The following OR9K2 variants were observed in gnomAD, a reference collection of about 807,000 sequenced individuals.
OR9K2 encodes olfactory receptor family 9 subfamily K member 2.
A neutral mutation model predicts 12.4 loss-of-function variants in OR9K2; 16 were observed. The observed-to-expected ratio is 1.29, with a 90% CI of 0.87 to 1.95. The LOEUF (loss-of-function observed/expected upper bound fraction) is 1.95, where lower values mean the gene tolerates loss of function less well. OR9K2 is among the 30% of genes most tolerant of loss of function. The pLI, the probability that OR9K2 is intolerant of heterozygous loss-of-function variation, is 0.00. For missense variants in OR9K2, 434 were observed against 376.5 expected (o/e 1.15, Z -1.26); for synonymous variants, 133 against 133.2 (o/e 1.00, Z 0.01).
Position 55,129,972 on chromosome 12 carries a change from T to G in OR9K2, c.138T>G (p.Val46=). 1 of 1,614,042 alleles carries G rather than the reference T, an allele frequency of 6.2e-7. No individual in the cohort carries two copies. Among genetic ancestry groups the G allele is most frequent in the Non-Finnish European group, 8.5e-7 (1 of 1,179,964 alleles). ...ATGCCATGATCCTTCTAGGGAATGT[T>G]GGGATGATGACCATTATTATGACTG... ...FVYAMILLGN[V]GMMTIIMTDP... The change falls in exon 3 of 3, where the codon GTT becomes GTG. Residue 46 remains valine, a synonymous_variant. Coordinates refer to ENST00000641329, the MANE Select transcript of OR9K2 (RefSeq NM_001005243.2).
intron 2 of OR9K2, among the ~76,000 whole-genome samples, chr12:55,128,951 C>A (rs924541154): frequency 6.6e-6 from 1 of 152,102 alleles, no homozygotes; most frequent in South Asian, 2.1e-4. Context: ...CACACTGGAG[C>A]CTTTTGCAGG....
intron 2 of OR9K2, among the ~76,000 whole-genome samples, chr12:55,129,377 C>A (rs1483136701): frequency 2.0e-5 from 3 of 151,754 alleles, no homozygotes; most frequent in Non-Finnish European, 4.4e-5. Flanking sequence ...CAAATTAAGT[C>A]TCTGTTTTCC....
intron 2 of OR9K2, among the ~76,000 whole-genome samples, chr12:55,128,371 C>T (rs1019244345): frequency 6.6e-6 from 1 of 151,224 alleles, no homozygotes; most frequent in Non-Finnish European, 1.5e-5. Flanking sequence ...GGTAGGGGAA[C>T]AGGAAGGGTC....
Position 55,130,419 on chromosome 12 carries a change from C to T in OR9K2, c.585C>T (p.Leu195=). 4 of 1,613,792 alleles carry T rather than the reference C, an allele frequency of 2.5e-6. No homozygotes were observed. The highest frequency in any genetic ancestry group is 2.5e-6 in the Non-Finnish European group (3 of 1,179,850). ...TTCAGAGACTGTCTTGTTCTGATCTCTTTATCCATAGAATGATATCTTTTT... is the reference window on the plus strand; with the variant it reads ...TTCAGAGACTGTCTTGTTCTGATCTTTTTATCCATAGAATGATATCTTTTT... ...RPLQRLSCSD[L]FIHRMISFSL... The change falls in exon 3 of 3, where the codon CTC becomes CTT. Residue 195 remains leucine (L), a synonymous_variant. Coordinates refer to ENST00000641329, the MANE Select transcript of OR9K2 (RefSeq NM_001005243.2).
intron 1 of OR9K2, 135 bp from the exon 2 acceptor site, chr12:55,126,693 A>G (rs1327514610): frequency 6.6e-6 from 1 of 151,914 alleles, no homozygotes; most frequent in African/African-American, 2.4e-5. Context: ...AGCCACATTT[A>G]TCTATGGGAA....
intron 2 of OR9K2, among the ~76,000 whole-genome samples, chr12:55,128,368 G>A (rs1953442889): frequency 6.6e-6 from 1 of 151,294 alleles, no homozygotes; most frequent in African/African-American, 2.4e-5. Flanking sequence ...TAAGGTAGGG[G>A]AACAGGAAGG....
chr12:55,127,188 A>G (rs541553192), intron 2 of OR9K2, among the ~76,000 whole-genome samples: 6 of 152,038 alleles, frequency 3.9e-5, no homozygotes, highest in African/African-American at 1.4e-4. Context: ...CACTAGATTC[A>G]GAACATTATG....
intron 2 of OR9K2, chr12:55,129,589 T>C: frequency 1.7e-6 from 1 of 583,384 alleles, no homozygotes; most frequent in Non-Finnish European, 3.0e-6. Flanking sequence ...GGCATTGTAT[T>C]AGATGCAGAG....
rs1376023942 is a variant in OR9K2 at position 55,130,184 on chromosome 12, T to C, written c.350T>C (p.Leu117Pro). The change falls in exon 3 of 3, where the codon CTC (leucine) becomes CCC (proline). Residue 117 changes from leucine (L) to proline (P), a missense_variant. Leu to Pro is a moderately conservative substitution (Grantham distance 98). Transcript: ENST00000641329. Reference sequence around the variant, plus strand: ...CTCCTCATTGTGACTGAGGGATTTCTCCTGGCGGCCATGGCTTATGACCGC... The same window carrying C: ...CTCCTCATTGTGACTGAGGGATTTCCCCTGGCGGCCATGGCTTATGACCGC... ...FALLIVTEGF[L>P]LAAMAYDRFI... is the part of the protein sequence containing the mutation. 2.5e-6 allele frequency: 4 copies of C among 1,614,112 alleles called. No homozygotes were observed. The highest frequency in any genetic ancestry group is 1.7e-6 in the Non-Finnish European group (2 of 1,180,008).
chr12:55,128,678 C>G (rs1356838469), intron 2 of OR9K2, among the ~76,000 whole-genome samples: 1 of 152,098 alleles, frequency 6.6e-6, no homozygotes, highest in African/African-American at 2.4e-5. Flanking sequence ...TAGACAGAAT[C>G]ATGCACATAA....
rs768738217 is a variant in OR9K2, at chr12:55,130,415, A to G, written c.581A>G (p.Asp194Gly). 6.2e-7 allele frequency: 1 copy of G among 1,613,720 alleles called. No homozygotes were observed. The highest frequency in any genetic ancestry group is 1.3e-5 in the African/African-American group (1 of 74,958). ...SRPLQRLSCS[D>G]LFIHRMISFS... ...CCACTTCAGAGACTGTCTTGTTCTG[A>G]TCTCTTTATCCATAGAATGATATCT... Residue 194 changes from aspartate (D) to glycine (G), a missense_variant, in exon 3 of 3, where the codon GAT becomes GGT. Coordinates refer to ENST00000641329, the MANE Select transcript of OR9K2 (RefSeq NM_001005243.2).
chr12:55,130,814 T>C lies in OR9K2; in HGVS notation c.*38T>C. 5.3e-6 allele frequency: 6 copies of C among 1,139,320 alleles called. No individual in the cohort carries two copies. Among genetic ancestry groups the C allele is most frequent in the Non-Finnish European group, 7.6e-6 (6 of 791,530 alleles). The allele number at this position is 1,139,320 out of a possible 1,614,324, so 70.6% of individuals were successfully genotyped here. A position where few individuals can be genotyped will look rare whatever the true frequency, so the allele number is the denominator to read the frequency against. Reference sequence around the variant, plus strand: ...TTTCACCAATTTTATTGTGGCTATTTATTTAATACACCTGTGTTCATTAAT... The same window carrying C: ...TTTCACCAATTTTATTGTGGCTATTCATTTAATACACCTGTGTTCATTAAT... On this transcript the variant is annotated 3_prime_UTR_variant, in exon 3 of 3. Transcript: ENST00000641329.
chr12:55,130,872 T>C lies in OR9K2; in HGVS notation c.*96T>C. The C allele has an allele frequency of 1.4e-6, 1 of 718,136 alleles. No homozygotes were observed. The highest frequency in any genetic ancestry group is 2.2e-6 in the Non-Finnish European group (1 of 445,842). The allele number at this position is 718,136 out of a possible 1,614,324, so 44.5% of individuals were successfully genotyped here. ...ACTCTCCCGAATGTCATAAAAATAC[T>C]CTTAGATGTTTTCATGTGATGTGCT... On this transcript the variant is annotated 3_prime_UTR_variant, in exon 3 of 3. Coordinates refer to ENST00000641329, the MANE Select transcript of OR9K2 (RefSeq NM_001005243.2).
rs1384517760 is a variant in OR9K2, at chr12:55,131,378, T to G, written c.*602T>G. 1 of 152,200 alleles carries G rather than the reference T, an allele frequency of 6.6e-6. No homozygotes were observed. The highest frequency in any genetic ancestry group is 1.5e-5 in the Non-Finnish European group (1 of 68,032). 9.4% of individuals were successfully genotyped at this position (152,200 alleles called of 1,614,324 possible). On this transcript the variant is annotated 3_prime_UTR_variant, in exon 3 of 3. Coordinates refer to ENST00000641329, the MANE Select transcript of OR9K2 (RefSeq NM_001005243.2). The stretch of plus-strand genomic sequence containing the variant: ...AGTGCTCTAAGGTACTGCTAGTTGC[T>G]GAATCCCAGTGCAAAGAACTAAAAT...
In OR9K2 at chr12:55,130,048, A is replaced by T; in HGVS notation, c.214A>T (p.Ile72Phe). ...TTTTTTCCTAGGCAATCTCTCCTTC[A>T]TTGATCTTTTCTATTCATCTGTTAT... The part of the protein sequence containing the change: ...MYFFLGNLSF[I>F]DLFYSSVIEP... Residue 72 changes from isoleucine (I) to phenylalanine (F), a missense_variant, in exon 3 of 3, where the codon ATT becomes TTT. Coordinates refer to ENST00000641329, the MANE Select transcript of OR9K2 (RefSeq NM_001005243.2). The T allele has an allele frequency of 6.2e-7, 1 of 1,612,682 alleles. No homozygotes were observed. The highest frequency in any genetic ancestry group is 2.2e-5 in the East Asian group (1 of 44,874).
chr12:55,130,654 G>C lies in OR9K2; in HGVS notation c.820G>C (p.Val274Leu). The change falls in exon 3 of 3, where the codon GTG becomes CTG. Residue 274 changes from valine to leucine, a missense_variant. Val to Leu is a conservative substitution (Grantham distance 32). Coordinates refer to ENST00000641329, the MANE Select transcript of OR9K2 (RefSeq NM_001005243.2). Reference sequence around the variant, plus strand: ...TGACAGATTTCCTGAGCTGAGTAAAGTGGCATCCTTATGTTACTCCCTAGT... The same window carrying C: ...TGACAGATTTCCTGAGCTGAGTAAACTGGCATCCTTATGTTACTCCCTAGT... ...TPDRFPELSK[V>L]ASLCYSLVTP... The C allele has an allele frequency of 6.2e-7, 1 of 1,613,664 alleles. No individual in the cohort carries two copies. The highest frequency in any genetic ancestry group is 8.5e-7 in the Non-Finnish European group (1 of 1,179,718).
rs180909115 is a variant in OR9K2 at position 55,131,902 on chromosome 12, G to A, written c.*1126G>A. ...GGCTCAATGGTATGTCGATATTAAT[G>A]AACAAAGGCAGATTTTTTAAACTGC... On this transcript the variant is annotated 3_prime_UTR_variant, in exon 3 of 3. Transcript: ENST00000641329. 1 of 152,150 alleles carries A rather than the reference G, an allele frequency of 6.6e-6. No individual in the cohort carries two copies. The highest frequency in any genetic ancestry group is 1.5e-5 in the Non-Finnish European group (1 of 68,012). The allele number at this position is 152,150 out of a possible 1,614,324, so 9.4% of individuals were successfully genotyped here.
In OR9K2 at chr12:55,131,728, A is replaced by G. The variant is rs1256779594; in HGVS notation, c.*952A>G. The G allele has an allele frequency of 2.0e-5, 3 of 152,148 alleles. No individual in the cohort carries two copies. Among genetic ancestry groups the G allele is most frequent in the African/African-American group, 7.2e-5 (3 of 41,448 alleles). The allele number at this position is 152,148 out of a possible 1,614,324, so 9.4% of individuals were successfully genotyped here. On this transcript the variant is annotated 3_prime_UTR_variant, in exon 3 of 3. Transcript: ENST00000641329. ...AAACCAAAATCCAGACATTTTGCCA[A>G]AGGTACTCATAGAGATCACAAAGTG...
At position 55,130,920 on chromosome 12, in the gene OR9K2, C is replaced by T; in HGVS notation, c.*144C>T. 1 of 564,104 alleles carries T rather than the reference C, an allele frequency of 1.8e-6. No individual in the cohort carries two copies. The highest frequency in any genetic ancestry group is 3.1e-6 in the Non-Finnish European group (1 of 324,616). 34.9% of individuals were successfully genotyped at this position (564,104 alleles called of 1,614,324 possible). A position where few individuals can be genotyped will look rare whatever the true frequency, so the allele number is the denominator to read the frequency against. On this transcript the variant is annotated 3_prime_UTR_variant, in exon 3 of 3. Transcript: ENST00000641329. ...GCTCTTTCCATATTTTACTTTTTTA[C>T]CTCCCAAGACATCATTAATTCTGAA...
Sources: gnomAD v4.1 joint callset for allele counts (sites outside exome capture counted in the v4.1 genomes callset) on GRCh38, gnomAD v4.1.1 for gene constraint, MANE v1.5 for transcripts, NCBI Gene and HGNC (gene_info 2026-07-23, HGNC 2026-07-21) for gene names.